HTR2C: variants seen among roughly 807,000 people sequenced by gnomAD.
HTR2C encodes 5-hydroxytryptamine (serotonin) receptor 2C, G protein-coupled.
HTR2C carries 5 observed loss-of-function variants against 21.0 expected under a neutral mutation model. That is an observed-to-expected ratio of 0.24 (90% confidence interval 0.12 to 0.50). HTR2C has a LOEUF of 0.50. Among genes scored for constraint, HTR2C ranks in the 20% least tolerant of loss-of-function variants. The pLI, the probability that HTR2C is intolerant of heterozygous loss-of-function variation, is 0.98. For missense variants in HTR2C, 271 were observed against 371.2 expected, an observed-to-expected ratio of 0.73 and a Z score of 2.22; for synonymous variants, 150 against 145.3, an observed-to-expected ratio of 1.03 and a Z score of -0.23.
chrX:114,808,255 AAC>A (rs1398766556), intron 4 of HTR2C, among the ~76,000 whole-genome samples: 1 of 111,244 alleles, frequency 9.0e-6, no homozygotes, highest in Non-Finnish European at 1.9e-5. Flanking sequence ...TATTTTGCGT[AAC>A]ACAATTACCC....
At chrX:114,585,088 G>A (rs1448547651) in intron 1 of HTR2C, among the ~76,000 whole-genome samples, 6 of 110,098 alleles carry the variant, frequency 5.4e-5, no homozygotes, top group African/African-American at 2.0e-4. Context: ...TGAGTTGCAG[G>A]ACCGACTACA....
intron 4 of HTR2C, among the ~76,000 whole-genome samples, chrX:114,786,479 A>C (rs900469326): frequency 8.9e-6 from 1 of 112,017 alleles, no homozygotes; most frequent in African/African-American, 3.2e-5. Flanking sequence ...AATACAATCA[A>C]GTATTGTGCA....
intron 2 of HTR2C, among the ~76,000 whole-genome samples, chrX:114,697,835 C>T (rs1246828745): frequency 8.9e-6 from 1 of 112,495 alleles, no homozygotes; most frequent in Non-Finnish European, 1.9e-5. Flanking sequence ...TAGCTTAAAA[C>T]AATACCCATT....
intron 4 of HTR2C, among the ~76,000 whole-genome samples, chrX:114,817,856 A>G (rs2147456280): frequency 9.0e-6 from 1 of 111,598 alleles, no homozygotes; most frequent in African/African-American, 3.3e-5. Flanking sequence ...TATGAGGCCA[A>G]TATTATCCTG....
intron 4 of HTR2C, among the ~76,000 whole-genome samples, chrX:114,819,166 C>T (rs1225613820): frequency 1.8e-5 from 2 of 111,679 alleles, no homozygotes; most frequent in Admixed American, 1.9e-4. Context: ...GGGTAAAATA[C>T]TTCAAATTTA....
intron 2 of HTR2C, among the ~76,000 whole-genome samples, chrX:114,704,075 T>C (rs887367386): frequency 8.1e-5 from 9 of 111,421 alleles, no homozygotes; most frequent in Admixed American, 3.8e-4. Context: ...CAATAGCTTA[T>C]CAAGCAAAAA....
intron 3 of HTR2C, among the ~76,000 whole-genome samples, chrX:114,727,258 T>C (rs992142433): frequency 1.8e-5 from 2 of 112,345 alleles, no homozygotes; most frequent in Non-Finnish European, 3.8e-5. Flanking sequence ...ACTTTTTCCA[T>C]GGGTAAAACT....
chrX:114,795,558 G>A (rs1262237564), intron 4 of HTR2C, among the ~76,000 whole-genome samples: 8 of 111,505 alleles, frequency 7.2e-5, no homozygotes, highest in African/African-American at 2.0e-4. Context: ...GTAAGGAAGG[G>A]ATCCAGTTTC....
chrX:114,748,442 T>A (rs1426621801), intron 4 of HTR2C, among the ~76,000 whole-genome samples: 1 of 111,429 alleles, frequency 9.0e-6, no homozygotes, highest in African/African-American at 3.3e-5. Context: ...GCAAAAGAAC[T>A]ACAATAGCTG....
At chrX:114,738,996 A>C (rs948010328) in intron 4 of HTR2C, among the ~76,000 whole-genome samples, 13 of 110,487 alleles carry the variant, frequency 1.2e-4, no homozygotes, top group African/African-American at 3.9e-4. Flanking sequence ...ATATTAATAC[A>C]TTATTATATT....
chrX:114,765,012 CTTTCTTTCTTTCTTT>C (rs1235076495), intron 4 of HTR2C, among the ~76,000 whole-genome samples: 13 of 105,001 alleles, frequency 1.2e-4, no homozygotes, highest in Middle Eastern at 4.3e-3. Flanking sequence ...TTCTCTCTCT[CTTTCTTTCTTTCTTT>C]TTTCTTTCTT....
chrX:114,698,053 T>C, intron 2 of HTR2C, among the ~76,000 whole-genome samples: 1 of 112,171 alleles, frequency 8.9e-6, no homozygotes, highest in Non-Finnish European at 1.9e-5. Flanking sequence ...CCTTGCTGGC[T>C]ATCAGCCAGG....
At chrX:114,726,630 A>T (rs1933500196) in intron 2 of HTR2C, among the ~76,000 whole-genome samples, 1 of 112,525 alleles carries the variant, frequency 8.9e-6, no homozygotes, top group African/African-American at 3.2e-5. Context: ...AACCATGTAT[A>T]AATAAAACAT....
At chrX:114,901,291 C>A (rs782289374) in intron 5 of HTR2C, among the ~76,000 whole-genome samples, 1 of 112,185 alleles carries the variant, frequency 8.9e-6, no homozygotes, top group African/African-American at 3.2e-5. Context: ...TCTGAACTTA[C>A]CTCTTTTGCA....
chrX:114,748,388 G>T (rs187358369), intron 4 of HTR2C, among the ~76,000 whole-genome samples: 33 of 111,300 alleles, frequency 3.0e-4, no homozygotes, highest in African/African-American at 1.0e-3. Flanking sequence ...ACTCTCAGCA[G>T]GTTTTTTTAA....
At chrX:114,892,800 TATA>T (rs1425755047) in intron 5 of HTR2C, among the ~76,000 whole-genome samples, 1 of 110,327 alleles carries the variant, frequency 9.1e-6, no homozygotes, top group Non-Finnish European at 1.9e-5. Context: ...AAAATTAAAA[TATA>T]ATATATTAAT....
At chrX:114,646,742 A>G (rs1171949758) in intron 2 of HTR2C, among the ~76,000 whole-genome samples, 1 of 111,960 alleles carries the variant, frequency 8.9e-6, no homozygotes, top group Non-Finnish European at 1.9e-5. Flanking sequence ...CTAAAAAATC[A>G]TTGCTGAGAC....
At chrX:114,752,418 C>T (rs981336985) in intron 4 of HTR2C, among the ~76,000 whole-genome samples, 4 of 111,061 alleles carry the variant, frequency 3.6e-5, no homozygotes, top group African/African-American at 6.5e-5. Context: ...TTCCAAGCCA[C>T]CTAGTAAATG....
In HTR2C at chrX:114,593,904, A is replaced by G. The variant is rs1453504295; in HGVS notation, c.-147+9245A>G. Among the ~76,000 whole-genome samples the G allele has an allele frequency of 2.7e-5, 3 of 111,986 alleles. No homozygotes were observed. The Admixed American group carries it at 2.9e-4, about 11-fold the overall frequency. On this transcript the variant is annotated intron_variant, in intron 1 of 5. Transcript: ENST00000276198. Reference sequence around the variant, plus strand: ...AATGGTTATGACTCTTCAGCTACTTAAGTAATTCTTATAAAATCTCAAGTC... The same window carrying G: ...AATGGTTATGACTCTTCAGCTACTTGAGTAATTCTTATAAAATCTCAAGTC...
Sources: allele counts gnomAD v4.1 joint callset (sites outside exome capture counted in the v4.1 genomes callset), GRCh38; gene constraint gnomAD v4.1.1; transcripts MANE v1.5; gene names NCBI Gene and HGNC (gene_info 2026-07-23, HGNC 2026-07-21).